TRIO: variants seen among roughly 807,000 people sequenced by gnomAD.
TRIO encodes the protein trio Rho guanine nucleotide exchange factor.
TRIO carries 58 observed loss-of-function variants against 351.9 expected under a neutral mutation model. The observed-to-expected ratio is 0.16, with a 90% confidence interval of 0.13 to 0.21. TRIO has a LOEUF of 0.21. TRIO is among the 10% of genes least tolerant of loss of function. The pLI is 1.00. For missense variants in TRIO, 3,201 were observed against 4,027.8 expected (o/e 0.79, Z 5.56); for synonymous variants, 1,758 against 1,595.7 (o/e 1.10, Z -2.42).
At chr5:14,480,982 T>A (rs1417167928) in intron 43 of TRIO, among the ~76,000 whole-genome samples, 1 of 151,714 alleles carries the variant, frequency 6.6e-6, no homozygotes, top group African/African-American at 2.4e-5. Context: ...AAAAAAAAAA[T>A]TCTTTCAGAA....
At chr5:14,388,506 A>T in intron 23 of TRIO, 107 bp from the exon 24 acceptor site, 1 of 1,108,754 alleles carries the variant, frequency 9.0e-7, no homozygotes, top group Non-Finnish European at 1.3e-6. Context: ...TGATCAATCT[A>T]AGACTAATAC....
Position 14,420,364 on chromosome 5 carries a change from G to A in TRIO, c.5203+343G>A, listed in dbSNP as rs1047039023. The stretch of plus-strand genomic sequence containing the variant: ...CTGTGTGTCATGATACCTCCTGGAG[G>A]CCATCCCCTGGCTCCAGAGGGTTAG... On this transcript the variant is annotated intron_variant, in intron 34 of 56. Coordinates refer to ENST00000344204, the MANE Select transcript of TRIO (RefSeq NM_007118.4). 4 of 238,770 alleles carry A rather than the reference G, an allele frequency of 1.7e-5. No homozygotes were observed. In the South Asian group the frequency reaches 1.8e-4, roughly 11 times the overall value. The allele number at this position is 238,770 out of a possible 1,614,324, so 14.8% of individuals were successfully genotyped here. A position where few individuals can be genotyped will look rare whatever the true frequency, so the allele number is the denominator to read the frequency against.
intron 1 of TRIO, among the ~76,000 whole-genome samples, chr5:14,200,630 A>G (rs777855174): frequency 1.3e-5 from 2 of 152,206 alleles, no homozygotes; most frequent in African/African-American, 2.4e-5. Context: ...ACCTGCAAGT[A>G]GAGATTAAAG....
At position 14,290,979 on chromosome 5, in the gene TRIO, T is replaced by C. The variant is rs574806772; in HGVS notation, c.804T>C (p.Ile268=). Residue 268 remains isoleucine (I), a synonymous_variant, in exon 5 of 57, where the codon ATT becomes ATC. Coordinates refer to ENST00000344204, the MANE Select transcript of TRIO (RefSeq NM_007118.4). ...EEHSQLKKKV[I]KAPIEDLDLE... is the part of the protein sequence containing the mutation. ...ATTCTCAGCTGAAGAAGAAGGTGAT[T>C]AAGGCCCCCATCGAGGACCTGGATT... 6.2e-7 allele frequency: 1 copy of C among 1,614,172 alleles called. No individual in the cohort carries two copies. Among genetic ancestry groups the C allele is most frequent in the Non-Finnish European group, 8.5e-7 (1 of 1,180,022 alleles).
chr5:14,376,687 A>G (rs1745592691), intron 19 of TRIO, among the ~76,000 whole-genome samples: 1 of 152,204 alleles, frequency 6.6e-6, no homozygotes, highest in Non-Finnish European at 1.5e-5. Context: ...CCACTGTTCT[A>G]ACCAGCGCTT....
intron 1 of TRIO, among the ~76,000 whole-genome samples, chr5:14,240,463 C>T (rs1794060773): frequency 6.6e-6 from 1 of 152,124 alleles, no homozygotes; most frequent in South Asian, 2.1e-4. Context: ...TTTTCCCGTT[C>T]TTTTACATCA....
At chr5:14,176,176 T>C (rs531576036) in intron 1 of TRIO, among the ~76,000 whole-genome samples, 3 of 152,204 alleles carry the variant, frequency 2.0e-5, no homozygotes, top group East Asian at 3.9e-4. Flanking sequence ...ATTCTTTCTT[T>C]AAAGACAGAG....
rs975409475 is a variant in TRIO at position 14,323,927 on chromosome 5, C to T, written c.1732-6851C>T. 3.3e-5 allele frequency among the ~76,000 whole-genome samples: 5 copies of T among 151,994 alleles called. No individual in the cohort carries two copies. The East Asian group carries it at 5.8e-4, about 18-fold the overall frequency. On this transcript the variant is annotated intron_variant, in intron 9 of 56. Coordinates refer to ENST00000344204, the MANE Select transcript of TRIO (RefSeq NM_007118.4). ...CTTTAATAAAAATTAACATTATCTA[C>T]GTGAAAGTCTTCCTTTATGGCCACC...
intron 11 of TRIO, among the ~76,000 whole-genome samples, chr5:14,344,878 A>T (rs1308975155): frequency 6.6e-6 from 1 of 152,166 alleles, no homozygotes; most frequent in Non-Finnish European, 1.5e-5. Flanking sequence ...GCTGGGAAGA[A>T]CCCTTACCCA....
chr5:14,210,246 A>G (rs1791800304), intron 1 of TRIO, among the ~76,000 whole-genome samples: 1 of 152,212 alleles, frequency 6.6e-6, no homozygotes, highest in Non-Finnish European at 1.5e-5. Flanking sequence ...ACCACTGGTT[A>G]CTTTTGAGGA....
intron 11 of TRIO, among the ~76,000 whole-genome samples, chr5:14,341,983 A>T (rs1741975847): frequency 6.6e-6 from 1 of 152,250 alleles, no homozygotes; most frequent in African/African-American, 2.4e-5. Flanking sequence ...AGAAGTCAAA[A>T]ACAAAGGCCT....
At chr5:14,349,229 G>C (rs959570975) in intron 11 of TRIO, among the ~76,000 whole-genome samples, 5 of 146,972 alleles carry the variant, frequency 3.4e-5, no homozygotes, top group Admixed American at 6.8e-5. Flanking sequence ...TGTTTTTCCT[G>C]TGTGTTTGTG....
intron 35 of TRIO, 115 bp downstream of exon 35, chr5:14,461,426 T>C: frequency 3.7e-6 from 5 of 1,340,810 alleles, no homozygotes; most frequent in Non-Finnish European, 4.9e-6. Context: ...CCGCACTTAC[T>C]CAGAAATTAC....
chr5:14,395,243 T>G (rs1375226849), intron 28 of TRIO, among the ~76,000 whole-genome samples: 1 of 152,256 alleles, frequency 6.6e-6, no homozygotes, highest in East Asian at 1.9e-4. Flanking sequence ...TATATCAAAA[T>G]GCCGTTAAGT....
intron 1 of TRIO, among the ~76,000 whole-genome samples, chr5:14,194,071 G>A (rs935807924): frequency 6.6e-6 from 1 of 152,074 alleles, no homozygotes; most frequent in African/African-American, 2.4e-5. Flanking sequence ...CTTCAGGTTC[G>A]GGGACATAGA....
chr5:14,287,188 A>C (rs1206432233), intron 4 of TRIO, 125 bp downstream of exon 4: 1 of 889,786 alleles, frequency 1.1e-6, no homozygotes, highest in Admixed American at 2.7e-5. Context: ...TCTTACGAAC[A>C]TGTGATACGT....
chr5:14,507,312 C>G, intron 56 of TRIO, 52 bp downstream of exon 56: 1 of 1,598,254 alleles, frequency 6.3e-7, no homozygotes, highest in African/African-American at 1.3e-5. Context: ...CCGGCTTGGC[C>G]ATGCGGGACA....
At chr5:14,425,545 C>T (rs1750571111) in intron 34 of TRIO, among the ~76,000 whole-genome samples, 1 of 151,102 alleles carries the variant, frequency 6.6e-6, no homozygotes, top group South Asian at 2.1e-4. Context: ...TCAAGTCCCT[C>T]CTTTCAGTCC....
intron 34 of TRIO, among the ~76,000 whole-genome samples, chr5:14,430,235 A>AG (rs35782488): frequency 6.7e-6 from 1 of 148,914 alleles, no homozygotes; most frequent in Non-Finnish European, 1.5e-5. Flanking sequence ...AAAAAAAAAA[A>AG]TTGTCCTTTT....
Sources: gnomAD v4.1 joint callset for allele counts (sites outside exome capture counted in the v4.1 genomes callset) on GRCh38, gnomAD v4.1.1 for gene constraint, MANE v1.5 for transcripts, NCBI Gene and HGNC (gene_info 2026-07-23, HGNC 2026-07-21) for gene names.